Variants in GLYAT observed in about 807,000 individuals in gnomAD.
The protein encoded by GLYAT is glycine N-acyltransferase.
Under a neutral mutation model 22.8 loss-of-function variants are expected in GLYAT, and 25 were observed. That is an observed-to-expected ratio of 1.09 (90% confidence interval 0.80 to 1.53). The LOEUF (loss-of-function observed/expected upper bound fraction) is 1.53, where lower values mean the gene tolerates loss of function less well. Ranked by LOEUF, GLYAT falls within the 40% of genes most tolerant of loss-of-function variation. The probability of loss-of-function intolerance (pLI) is 0.00; values close to 1 mark genes in which losing one functional copy is unlikely to be tolerated. For synonymous variants in GLYAT, 140 were observed against 122.7 expected, an observed-to-expected ratio of 1.14 and a Z score of -0.93; for missense variants, 411 against 353.9, an observed-to-expected ratio of 1.16 and a Z score of -1.29.
At chr11:58,719,152 A>G (rs1856719059) in intron 2 of GLYAT, among the ~76,000 whole-genome samples, 1 of 152,008 alleles carries the variant, frequency 6.6e-6, no homozygotes, top group Admixed American at 6.6e-5. Context: ...TAAGTTTAAA[A>G]CACTTGAAAT....
chr11:58,718,576 C>T (rs191615752), intron 2 of GLYAT, among the ~76,000 whole-genome samples: 1 of 151,918 alleles, frequency 6.6e-6, no homozygotes, highest in African/African-American at 2.4e-5. Flanking sequence ...GATTATAAAA[C>T]CACCTTCTAA....
chr11:58,710,736 A>T lies in GLYAT; in HGVS notation c.342T>A (p.Ala114=), dbSNP rs1244714286. 6.2e-7 allele frequency: 1 copy of T among 1,609,680 alleles called. No homozygotes were observed. Among genetic ancestry groups the T allele is most frequent in the Non-Finnish European group, 8.5e-7 (1 of 1,176,000 alleles). ...IQSSQPSLNE[A]IQNLAAIKSF... is the part of the protein sequence containing the mutation. Reference sequence around the variant, plus strand: ...ACTTAATGGCTGCAAGATTTTGTATAGCCTCATTCAGGCTAGGCTGTGAAC... The same window carrying T: ...ACTTAATGGCTGCAAGATTTTGTATTGCCTCATTCAGGCTAGGCTGTGAAC... Residue 114 remains alanine (A), a synonymous_variant, in exon 5 of 6, where the codon GCT becomes GCA. Transcript: ENST00000344743.
intron 2 of GLYAT, among the ~76,000 whole-genome samples, chr11:58,719,068 C>A (rs977951495): frequency 2.0e-5 from 3 of 151,816 alleles, no homozygotes; most frequent in East Asian, 1.9e-4. Flanking sequence ...CTTAGGGGAA[C>A]CTACTGTCTT....
At chr11:58,726,417 G>A (rs565878517) in intron 1 of GLYAT, among the ~76,000 whole-genome samples, 1 of 152,112 alleles carries the variant, frequency 6.6e-6, no homozygotes, top group Non-Finnish European at 1.5e-5. Flanking sequence ...GTTCAAGGGG[G>A]ACAGGGGGAG....
chr11:58,721,764 A>G (rs1472667198), intron 2 of GLYAT, among the ~76,000 whole-genome samples: 1 of 151,962 alleles, frequency 6.6e-6, no homozygotes, highest in Non-Finnish European at 1.5e-5. Context: ...TGACCTTATA[A>G]TGTAAATAAA....
intron 2 of GLYAT, among the ~76,000 whole-genome samples, chr11:58,720,623 A>C (rs1326338003): frequency 6.6e-6 from 1 of 152,022 alleles, no homozygotes; most frequent in Non-Finnish European, 1.5e-5. Context: ...TTGACTGTGG[A>C]CCAGACTGCC....
At chr11:58,712,003 A>G (rs1856622153) in intron 4 of GLYAT, among the ~76,000 whole-genome samples, 1 of 152,142 alleles carries the variant, frequency 6.6e-6, no homozygotes, top group African/African-American at 2.4e-5. Context: ...TAACAGCAGA[A>G]CTCTCATTCA....
rs765984704 is a variant in GLYAT at position 58,709,937 on chromosome 11, A to G, written c.720T>C (p.His240=). The G allele has an allele frequency of 1.9e-6, 3 of 1,614,090 alleles. No individual in the cohort carries two copies. The highest frequency in any genetic ancestry group is 2.5e-6 in the Non-Finnish European group (3 of 1,179,972). The stretch of plus-strand genomic sequence containing the variant: ...AATAGATGACATACGTCACAAGGCC[A>G]TGGAGCCGGTATTCCGGCAAGGTGC... ...MAGTLPEYRL[H]GLVTYVIYSH... is the part of the protein sequence containing the mutation. Residue 240 remains histidine (H), a synonymous_variant, in exon 6 of 6, where the codon CAT becomes CAC. Coordinates refer to ENST00000344743, the MANE Select transcript of GLYAT (RefSeq NM_201648.3).
At chr11:58,724,326 A>G (rs1856788236) in intron 2 of GLYAT, 90 bp downstream of exon 2, 1 of 634,796 alleles carries the variant, frequency 1.6e-6, no homozygotes, top group Admixed American at 2.5e-5. Flanking sequence ...GCCTGGCTCA[A>G]AATAGGTGCA....
chr11:58,708,938 C>T lies in GLYAT; in HGVS notation c.*828G>A, dbSNP rs955278111. The T allele has an allele frequency of 6.6e-6, 1 of 152,176 alleles. No homozygotes were observed. The highest frequency in any genetic ancestry group is 2.4e-5 in the African/African-American group (1 of 41,446). The allele number at this position is 152,176 out of a possible 1,614,324, so 9.4% of individuals were successfully genotyped here. On this transcript the variant is annotated 3_prime_UTR_variant, in exon 6 of 6. Coordinates refer to ENST00000344743, the MANE Select transcript of GLYAT (RefSeq NM_201648.3). The stretch of plus-strand genomic sequence containing the variant: ...ATGCTGTCTCCTCTCCCTTCAACTC[C>T]TATCTCTCCTCAATAAACCATCACA...
At chr11:58,728,889 A>AGAAAGAAAGAAAGAAGGAAG (rs1310407303) in intron 1 of GLYAT, among the ~76,000 whole-genome samples, 20 of 101,290 alleles carry the variant, frequency 2.0e-4, no homozygotes, top group African/African-American at 2.9e-4. Flanking sequence ...AAAGAAAGAA[A>AGAAAGAAAGAAAGAAGGAAG]GAAGGAAGGA....
chr11:58,725,231 A>G (rs908644784), intron 1 of GLYAT, among the ~76,000 whole-genome samples: 2 of 152,190 alleles, frequency 1.3e-5, no homozygotes, highest in African/African-American at 4.8e-5. Context: ...TTCCATCTTT[A>G]AGCCTTATAC....
intron 4 of GLYAT, among the ~76,000 whole-genome samples, chr11:58,711,030 G>A (rs2134478852): frequency 6.6e-6 from 1 of 152,262 alleles, no homozygotes; most frequent in Non-Finnish European, 1.5e-5. Context: ...TTAGATAACT[G>A]CTAGAAGATA....
At chr11:58,718,291 T>C (rs1565057274) in intron 2 of GLYAT, among the ~76,000 whole-genome samples, 1 of 152,146 alleles carries the variant, frequency 6.6e-6, no homozygotes, top group East Asian at 1.9e-4. Context: ...ACAAACATGC[T>C]CCAAAGTTTG....
intron 1 of GLYAT, among the ~76,000 whole-genome samples, chr11:58,729,426 T>C (rs1047752722): frequency 6.6e-6 from 1 of 152,204 alleles, no homozygotes; most frequent in Middle Eastern, 3.2e-3. Context: ...ATAAATATCG[T>C]ATATATTTAT....
intron 2 of GLYAT, among the ~76,000 whole-genome samples, chr11:58,723,606 A>G (rs2134493202): frequency 6.6e-6 from 1 of 152,186 alleles, no homozygotes; most frequent in South Asian, 2.1e-4. Context: ...AAACAATACA[A>G]ATGTAAAAAT....
chr11:58,721,122 C>T (rs1487584466), intron 2 of GLYAT, among the ~76,000 whole-genome samples: 1 of 151,808 alleles, frequency 6.6e-6, no homozygotes, highest in Non-Finnish European at 1.5e-5. Context: ...AACGGAAGTA[C>T]ATTTTATAGA....
At chr11:58,718,726 T>A (rs1856713690) in intron 2 of GLYAT, among the ~76,000 whole-genome samples, 1 of 151,894 alleles carries the variant, frequency 6.6e-6, no homozygotes, top group Non-Finnish European at 1.5e-5. Context: ...GAGCACCTGT[T>A]GGAGTTTTAT....
intron 5 of GLYAT, chr11:58,710,386 G>A (rs889323671): frequency 2.5e-6 from 2 of 787,344 alleles, no homozygotes; most frequent in Non-Finnish European, 3.9e-6. Context: ...GTAGCCAGAG[G>A]CCTGGTTTAT....
Sources: allele counts gnomAD v4.1 joint callset (sites outside exome capture counted in the v4.1 genomes callset), GRCh38; gene constraint gnomAD v4.1.1; transcripts MANE v1.5; gene names NCBI Gene and HGNC (gene_info 2026-07-23, HGNC 2026-07-21).